TEX11: variants seen among roughly 807,000 people sequenced by gnomAD.
TEX11 encodes the protein testis expressed 11.
Under a neutral mutation model 84.4 loss-of-function variants are expected in TEX11, and 7 were observed. The observed-to-expected ratio is 0.08, with a 90% CI of 0.05 to 0.16. TEX11 has a LOEUF of 0.16. TEX11 is among the 10% of genes least tolerant of loss of function. The probability of loss-of-function intolerance (pLI) is 1.00; values close to 1 mark genes in which losing one functional copy is unlikely to be tolerated. For missense variants in TEX11, 551 were observed against 660.5 expected (o/e 0.83, Z 1.82); for synonymous variants, 264 against 222.8 (o/e 1.18, Z -1.64).
chrX:70,684,916 TA>T (rs2147661425), intron 13 of TEX11, among the ~76,000 whole-genome samples: 1 of 111,908 alleles, frequency 8.9e-6, no homozygotes, highest in East Asian at 2.8e-4. Context: ...AAAGCTATAG[TA>T]ATCAAAGCAG....
chrX:70,878,695 A>C (rs895804634), intron 3 of TEX11, among the ~76,000 whole-genome samples: 3 of 111,371 alleles, frequency 2.7e-5, no homozygotes, highest in Non-Finnish European at 5.7e-5. Flanking sequence ...AAACCTAAGA[A>C]AAATGAAAAC....
intron 11 of TEX11, among the ~76,000 whole-genome samples, chrX:70,729,357 C>G (rs1025357061): frequency 9.0e-6 from 1 of 111,591 alleles, no homozygotes; most frequent in Non-Finnish European, 1.9e-5. Context: ...GATTAAACTA[C>G]GCCAAGCTAA....
chrX:70,659,167 G>A (rs747686001), intron 16 of TEX11, among the ~76,000 whole-genome samples: 1 of 112,036 alleles, frequency 8.9e-6, no homozygotes, highest in African/African-American at 3.2e-5. Context: ...TCTTGGATAT[G>A]ACACCCAAAG....
At chrX:70,625,778 T>C (rs2089443541) in intron 18 of TEX11, among the ~76,000 whole-genome samples, 1 of 35,402 alleles carries the variant, frequency 2.8e-5, no homozygotes, top group African/African-American at 2.9e-4. Context: ...TTCTTTTTCT[T>C]TTTTTTTTTT....
chrX:70,722,282 A>T (rs749031119), intron 13 of TEX11, among the ~76,000 whole-genome samples: 1 of 111,557 alleles, frequency 9.0e-6, no homozygotes, highest in Admixed American at 9.6e-5. Context: ...AAATTTTTAA[A>T]ATTATTTTTG....
chrX:70,763,798 A>G (rs2090923823), intron 9 of TEX11, among the ~76,000 whole-genome samples: 1 of 111,129 alleles, frequency 9.0e-6, no homozygotes, highest in Non-Finnish European at 1.9e-5. Flanking sequence ...ACAATTTTAA[A>G]TATATATGCA....
chrX:70,658,648 A>G (rs186985355), intron 16 of TEX11, among the ~76,000 whole-genome samples: 47 of 111,821 alleles, frequency 4.2e-4, no homozygotes, highest in African/African-American at 1.4e-3. Context: ...TGTATATTTT[A>G]CCACAGTAAA....
At chrX:70,613,569 G>A (rs912006391) in intron 20 of TEX11, among the ~76,000 whole-genome samples, 3 of 111,756 alleles carry the variant, frequency 2.7e-5, no homozygotes, top group Non-Finnish European at 3.8e-5. Flanking sequence ...AGCAAGCCTC[G>A]TCATCATGGG....
intron 25 of TEX11, among the ~76,000 whole-genome samples, chrX:70,580,672 A>G (rs1195612880): frequency 8.9e-6 from 1 of 112,682 alleles, no homozygotes; most frequent in African/African-American, 3.2e-5. Context: ...GTATAAAACA[A>G]GCATACATTT....
At chrX:70,848,918 G>T (rs2091493241) in intron 7 of TEX11, among the ~76,000 whole-genome samples, 1 of 111,467 alleles carries the variant, frequency 9.0e-6, no homozygotes, top group African/African-American at 3.3e-5. Context: ...TACGACCCTT[G>T]CATCTGCAGA....
In TEX11 at chrX:70,577,827, A is replaced by G. The variant is rs5980715; in HGVS notation, c.2140+13924T>C. On this transcript the variant is annotated intron_variant, in intron 25 of 29. Transcript: ENST00000374333. Reference sequence around the variant, plus strand: ...ACCGCAACCTCCGCCTCCTGGGTTCAAGTGATTCTCCTGCTTCAGCCTACC... The same window carrying G: ...ACCGCAACCTCCGCCTCCTGGGTTCGAGTGATTCTCCTGCTTCAGCCTACC... Among the ~76,000 whole-genome samples the G allele has an allele frequency of 3.7e-5, 4 of 107,254 alleles. No homozygotes were observed. In the Admixed American group the frequency reaches 4.0e-4, roughly 11 times the overall value. The allele number at this position is 107,254 out of a possible 115,157, so 93.1% of individuals were successfully genotyped here. A position where few individuals can be genotyped will look rare whatever the true frequency, so the allele number is the denominator to read the frequency against.
intron 8 of TEX11, among the ~76,000 whole-genome samples, chrX:70,820,240 T>C (rs1048304367): frequency 9.0e-6 from 1 of 111,673 alleles, no homozygotes; most frequent in Non-Finnish European, 1.9e-5. Context: ...TGGAATAGAA[T>C]AGAAGAGCCA....
chrX:70,816,072 A>G (rs2091284787), intron 8 of TEX11, among the ~76,000 whole-genome samples: 1 of 110,897 alleles, frequency 9.0e-6, no homozygotes, highest in Non-Finnish European at 1.9e-5. Context: ...TTTATCCCTC[A>G]TCCCCTTCCC....
intron 4 of TEX11, among the ~76,000 whole-genome samples, chrX:70,866,115 A>T (rs2091597827): frequency 8.9e-6 from 1 of 111,745 alleles, no homozygotes; most frequent in Non-Finnish European, 1.9e-5. Context: ...TGATTTTCTG[A>T]AAAGATTAAG....
At chrX:70,856,857 TAA>T (rs11338486) in intron 5 of TEX11, among the ~76,000 whole-genome samples, 83 of 108,920 alleles carry the variant, frequency 7.6e-4, no homozygotes, top group South Asian at 5.2e-3. Flanking sequence ...ATTTTTTTTT[TAA>T]AAAAAAGAGA....
chrX:70,544,836 CA>C (rs140403649), intron 28 of TEX11, among the ~76,000 whole-genome samples: 3,351 of 25,935 alleles, frequency 0.13, 53 homozygotes, highest in African/African-American at 0.31. Flanking sequence ...GACTCCATCT[CA>C]AAAAAAAAAA....
At chrX:70,759,864 C>T (rs1416947586) in intron 9 of TEX11, among the ~76,000 whole-genome samples, 2 of 111,384 alleles carry the variant, frequency 1.8e-5, no homozygotes, top group Non-Finnish European at 1.9e-5. Flanking sequence ...TTTAGAAAAC[C>T]CCATCCTCTC....
At chrX:70,893,102 G>A (rs2091747780) in intron 2 of TEX11, among the ~76,000 whole-genome samples, 1 of 110,780 alleles carries the variant, frequency 9.0e-6, no homozygotes, top group Non-Finnish European at 1.9e-5. Flanking sequence ...AATAATAGTG[G>A]GAGACTTCAA....
intron 9 of TEX11, among the ~76,000 whole-genome samples, chrX:70,797,297 A>C (rs930880624): frequency 9.0e-6 from 1 of 111,726 alleles, no homozygotes; most frequent in African/African-American, 3.3e-5. Context: ...AAAAGAATGA[A>C]ATCATGTCCT....
Sources: gnomAD v4.1 joint callset for allele counts (sites outside exome capture counted in the v4.1 genomes callset) on GRCh38, gnomAD v4.1.1 for gene constraint, MANE v1.5 for transcripts, NCBI Gene and HGNC (gene_info 2026-07-23, HGNC 2026-07-21) for gene names.